RORA: variants seen among roughly 807,000 people sequenced by gnomAD.
RORA encodes the protein nuclear receptor ROR-alpha.
A neutral mutation model predicts 69.5 loss-of-function variants in RORA; 7 were observed. The ratio of observed to expected loss-of-function variants is 0.10; its 90% CI spans 0.06 to 0.19. RORA has a LOEUF of 0.19. Among genes scored for constraint, RORA ranks in the 10% least tolerant of loss-of-function variants. RORA has a pLI of 1.00. For missense variants in RORA, 457 were observed against 663.0 expected, an observed-to-expected ratio of 0.69 and a Z score of 3.41; for synonymous variants, 261 against 240.8, an observed-to-expected ratio of 1.08 and a Z score of -0.78.
At chr15:60,698,812 G>C (rs1318835530) in intron 1 of RORA, among the ~76,000 whole-genome samples, 5 of 151,804 alleles carry the variant, frequency 3.3e-5, no homozygotes, top group Admixed American at 3.3e-4. Context: ...TGGCTAAAAA[G>C]GTGTCCCTTT....
At chr15:60,600,868 T>G (rs554771213) in intron 2 of RORA, 2 of 152,312 alleles carry the variant, frequency 1.3e-5, no homozygotes, top group African/African-American at 4.8e-5. Context: ...GGTTAACTAT[T>G]CCTTGGAACT....
intron 2 of RORA, among the ~76,000 whole-genome samples, chr15:60,574,233 C>A (rs2140461854): frequency 6.6e-6 from 1 of 152,292 alleles, no homozygotes; most frequent in Non-Finnish European, 1.5e-5. Flanking sequence ...GTCTCCGCTT[C>A]CTCCTCTGTA....
At chr15:60,712,952 T>C (rs1044189418) in intron 1 of RORA, among the ~76,000 whole-genome samples, 2 of 152,148 alleles carry the variant, frequency 1.3e-5, no homozygotes, top group African/African-American at 4.8e-5. Flanking sequence ...ACATATCCTA[T>C]TCAACAGAGC....
intron 1 of RORA, among the ~76,000 whole-genome samples, chr15:61,217,201 T>C (rs985750927): frequency 1.3e-5 from 2 of 152,172 alleles, no homozygotes; most frequent in African/African-American, 4.8e-5. Context: ...ATGCAAGGTA[T>C]CGTGCATGGA....
In RORA at chr15:60,531,958, T is replaced by C; in HGVS notation, c.197-107A>G. On this transcript the variant is annotated intron_variant, in intron 2 of 10. Transcript: ENST00000335670. This position sits in a 1 kb window ranked among gnomAD's most constrained non-coding sequence, Gnocchi z 4.8. ...GTGAAAACTAATAACCTGCTAAACATTATACTGCATTAACTATTCATTGCT... is the reference window on the plus strand; with the variant it reads ...GTGAAAACTAATAACCTGCTAAACACTATACTGCATTAACTATTCATTGCT... The C allele has an allele frequency of 1.6e-6, 1 of 624,382 alleles. No homozygotes were observed. The highest frequency in any genetic ancestry group is 2.8e-6 in the Non-Finnish European group (1 of 361,110). The allele number at this position is 624,382 out of a possible 1,614,324, so 38.7% of individuals were successfully genotyped here.
rs551074790 is a variant in RORA, at chr15:61,103,632, A to C, written c.166+125421T>G. On this transcript the variant is annotated intron_variant, in intron 1 of 10. Coordinates refer to ENST00000335670, the MANE Select transcript of RORA (RefSeq NM_134261.3). ...CACTGCTAGGAGACCTCAACGACTC[A>C]AAGTCAGAGTGTGCACACGTTTGGG... Among the ~76,000 whole-genome samples the C allele has an allele frequency of 1.1e-3, 165 of 152,272 alleles. 3 individuals are homozygous for C. Among genetic ancestry groups the C allele is most frequent in the Non-Finnish European group, 4.4e-4 (30 of 68,008 alleles).
At chr15:60,836,900 C>G (rs964387318) in intron 1 of RORA, among the ~76,000 whole-genome samples, 1 of 152,184 alleles carries the variant, frequency 6.6e-6, no homozygotes, top group Admixed American at 6.5e-5. Context: ...TCTTAGGCAC[C>G]AGCCCACATT....
intron 1 of RORA, among the ~76,000 whole-genome samples, chr15:61,060,069 C>T (rs899879334): frequency 1.3e-5 from 2 of 151,178 alleles, no homozygotes; most frequent in Non-Finnish European, 3.0e-5. Context: ...CTGACAAGCA[C>T]CACCCAACTA....
At chr15:60,975,461 A>G (rs561063469) in intron 1 of RORA, among the ~76,000 whole-genome samples, 2 of 152,254 alleles carry the variant, frequency 1.3e-5, no homozygotes, top group Non-Finnish European at 2.9e-5. Flanking sequence ...ACCTTCTGGA[A>G]GAAGTCCATT....
chr15:60,682,679 G>A (rs567546794), intron 1 of RORA, among the ~76,000 whole-genome samples: 1 of 152,152 alleles, frequency 6.6e-6, no homozygotes. Context: ...ATCCAAGTGG[G>A]CTGCTGATCA....
At chr15:61,056,344 G>A (rs1373492230) in intron 1 of RORA, among the ~76,000 whole-genome samples, 1 of 152,158 alleles carries the variant, frequency 6.6e-6, no homozygotes, top group East Asian at 1.9e-4. Flanking sequence ...CTTGTCCAAA[G>A]GCAGTTGCTC....
chr15:60,850,311 C>T (rs936818885), intron 1 of RORA, among the ~76,000 whole-genome samples: 6 of 152,152 alleles, frequency 3.9e-5, no homozygotes, highest in African/African-American at 1.4e-4. Context: ...AATTCCCCTC[C>T]TCATCCATGA....
At chr15:60,692,830 C>G (rs1297672136) in intron 1 of RORA, among the ~76,000 whole-genome samples, 2 of 152,096 alleles carry the variant, frequency 1.3e-5, no homozygotes. Flanking sequence ...CAAAAGAAAG[C>G]CCAGGACCAG....
intron 2 of RORA, among the ~76,000 whole-genome samples, chr15:60,588,303 A>G (rs549501445): frequency 1.3e-5 from 2 of 152,358 alleles, no homozygotes; most frequent in Admixed American, 1.3e-4. Context: ...TAAGTGCTGT[A>G]AATAGTAAAA....
chr15:60,784,645 G>A (rs531132620), intron 1 of RORA, among the ~76,000 whole-genome samples: 2 of 152,334 alleles, frequency 1.3e-5, no homozygotes, highest in African/African-American at 4.8e-5. Context: ...GCAAAGAACA[G>A]CTGTAAAATT....
chr15:60,779,835 G>A (rs1037907050), intron 1 of RORA, among the ~76,000 whole-genome samples: 1 of 152,194 alleles, frequency 6.6e-6, no homozygotes, highest in African/African-American at 2.4e-5. Flanking sequence ...TCAGTCAACT[G>A]AGGCCTGGGA....
intron 1 of RORA, among the ~76,000 whole-genome samples, chr15:60,978,252 T>C (rs903123035): frequency 6.6e-6 from 1 of 152,222 alleles, no homozygotes; most frequent in Non-Finnish European, 1.5e-5. Flanking sequence ...ATTTTCCTAA[T>C]GAATAATTTT....
intron 1 of RORA, among the ~76,000 whole-genome samples, chr15:60,858,291 G>A (rs1193972903): frequency 1.3e-5 from 2 of 152,224 alleles, no homozygotes; most frequent in Non-Finnish European, 2.9e-5. Context: ...GCTTGTGGGT[G>A]AGAGCTGTGT....
chr15:61,201,374 CA>C (rs1988408938), intron 1 of RORA, among the ~76,000 whole-genome samples: 1 of 152,176 alleles, frequency 6.6e-6, no homozygotes, highest in Non-Finnish European at 1.5e-5. Flanking sequence ...TCAAACAAAC[CA>C]CTAAGACATA....
Sources: allele counts gnomAD v4.1 joint callset (sites outside exome capture counted in the v4.1 genomes callset), GRCh38; gene constraint gnomAD v4.1.1; non-coding constraint Gnocchi (gnomAD v3.1); transcripts MANE v1.5; gene names NCBI Gene and HGNC (gene_info 2026-07-23, HGNC 2026-07-21).